PCDHGB2: variants seen among roughly 807,000 people sequenced by gnomAD.
PCDHGB2 encodes the protein protocadherin gamma-B2.
Under a neutral mutation model 59.3 loss-of-function variants are expected in PCDHGB2, and 55 were observed. That is an observed-to-expected ratio of 0.93 (90% CI 0.75 to 1.16). The LOEUF (loss-of-function observed/expected upper bound fraction) is 1.16, where lower values mean the gene tolerates loss of function less well. Among genes scored for constraint, PCDHGB2 ranks in the 50% most tolerant of loss-of-function variants. The pLI is 0.00. For synonymous variants in PCDHGB2, 516 were observed against 512.0 expected (o/e 1.01, Z -0.11); for missense variants, 1,228 against 1,198.5 (o/e 1.02, Z -0.36).
At chr5:141,478,299 G>A (rs201916687) in intron 1 of PCDHGB2, 1 of 1,614,056 alleles carries the variant, frequency 6.2e-7, no homozygotes, top group Non-Finnish European at 8.5e-7. Flanking sequence ...GACCTATACC[G>A]AGCCCCGGTG....
chr5:141,432,104 C>T lies in PCDHGB2; in HGVS notation c.2422-62703C>T. The stretch of plus-strand genomic sequence containing the variant: ...GAACGTGGCAGACACCAACGACAAC[C>T]CGCCGGTCTTCCCTCAGGCCTCCTA... On this transcript the variant is annotated intron_variant, in intron 1 of 3. Coordinates refer to ENST00000522605, the MANE Select transcript of PCDHGB2 (RefSeq NM_018923.3). This position sits in a 1 kb window ranked among gnomAD's most constrained non-coding sequence, Gnocchi z 6.0. 1 of 1,614,204 alleles carries T rather than the reference C, an allele frequency of 6.2e-7. No individual in the cohort carries two copies. The highest frequency in any genetic ancestry group is 1.7e-5 in the Admixed American group (1 of 60,026).
intron 1 of PCDHGB2, among the ~76,000 whole-genome samples, chr5:141,460,961 A>ATATG (rs1463306338): frequency 3.5e-5 from 5 of 144,556 alleles, no homozygotes; most frequent in African/African-American, 1.3e-4. Flanking sequence ...GTATATATAT[A>ATATG]TGTGTGTGTG....
chr5:141,415,404 C>A lies in PCDHGB2; in HGVS notation c.2421+52848C>A, dbSNP rs199662613. On this transcript the variant is annotated intron_variant, in intron 1 of 3. Transcript: ENST00000522605. ...GCTTGACAGGTGTGTCCGGCTCGCA[C>A]TTTGTGGGCGTGGACGGGGTTCGGG... The A allele has an allele frequency of 2.2e-4, 363 of 1,614,238 alleles. 1 individual carries two copies. Among genetic ancestry groups the A allele is most frequent in the Non-Finnish European group, 6.8e-6 (8 of 1,180,048 alleles).
intron 1 of PCDHGB2, chr5:141,388,330 G>A: frequency 6.2e-7 from 1 of 1,613,882 alleles, no homozygotes; most frequent in Non-Finnish European, 8.5e-7. Context: ...GCACAGCCTG[G>A]CACACGATTT....
intron 1 of PCDHGB2, chr5:141,403,146 G>A (rs1400601984): frequency 1.9e-6 from 3 of 1,613,938 alleles, no homozygotes; most frequent in African/African-American, 2.7e-5. Flanking sequence ...CGCCGAGTCC[G>A]CATCGTCTCT....
At chr5:141,374,501 G>A (rs746410507) in intron 1 of PCDHGB2, 2 of 1,611,510 alleles carry the variant, frequency 1.2e-6, no homozygotes, top group Non-Finnish European at 1.7e-6. Context: ...AGAATTGGAA[G>A]TGAAAATTCT....
chr5:141,485,239 C>T lies in PCDHGB2; in HGVS notation c.2422-9568C>T. ...GGGCTACCCTTTTGTTCCTCTTTTA[C>T]CACCTGGGTTACGTTTGTGGGCAGA... On this transcript the variant is annotated intron_variant, in intron 1 of 3. Transcript: ENST00000522605. This position sits in a 1 kb window ranked among gnomAD's most constrained non-coding sequence, Gnocchi z 5.7. The T allele has an allele frequency of 6.2e-7, 1 of 1,614,140 alleles. No homozygotes were observed. Among genetic ancestry groups the T allele is most frequent in the South Asian group, 1.1e-5 (1 of 91,072 alleles).
chr5:141,422,809 G>A (rs1169197801), intron 1 of PCDHGB2: 8 of 1,614,232 alleles, frequency 5.0e-6, no homozygotes, highest in Non-Finnish European at 6.8e-6. Context: ...GCAGTTTCGA[G>A]ACTTAGAACT....
At chr5:141,388,721 C>A (rs373386803) in intron 1 of PCDHGB2, 33 of 1,613,884 alleles carry the variant, frequency 2.0e-5, no homozygotes, top group Non-Finnish European at 2.7e-5. Context: ...AGATTACTTT[C>A]TCTTTCAGTG....
At chr5:141,446,798 T>C (rs1223789118) in intron 1 of PCDHGB2, among the ~76,000 whole-genome samples, 1 of 152,160 alleles carries the variant, frequency 6.6e-6, no homozygotes, top group Non-Finnish European at 1.5e-5. Flanking sequence ...AGTTCTTCCA[T>C]TGTGATCATC....
At chr5:141,415,116 A>T in intron 1 of PCDHGB2, 1 of 1,613,652 alleles carries the variant, frequency 6.2e-7, no homozygotes, top group Non-Finnish European at 8.5e-7. Flanking sequence ...AAAGCCTCGT[A>T]GTGGCCGTCC....
At chr5:141,419,313 G>T in intron 1 of PCDHGB2, 1 of 1,613,974 alleles carries the variant, frequency 6.2e-7, no homozygotes, top group Non-Finnish European at 8.5e-7. Context: ...GGGCTCAACG[G>T]CCGTGTCTCC....
At chr5:141,376,366 A>G in intron 1 of PCDHGB2, 12 of 1,614,204 alleles carry the variant, frequency 7.4e-6, no homozygotes, top group South Asian at 1.1e-5. Flanking sequence ...CACTCACTGC[A>G]GACTCGCGTA....
intron 1 of PCDHGB2, among the ~76,000 whole-genome samples, chr5:141,458,883 C>A (rs1171747288): frequency 6.6e-6 from 1 of 152,136 alleles, no homozygotes; most frequent in East Asian, 1.9e-4. Flanking sequence ...CAGGCATGCA[C>A]ACCATGCGCA....
chr5:141,380,249 A>G (rs758616884), intron 1 of PCDHGB2, among the ~76,000 whole-genome samples: 1 of 152,198 alleles, frequency 6.6e-6, no homozygotes, highest in African/African-American at 2.4e-5. Flanking sequence ...GCAATTGTCA[A>G]AGGGGAAGGA....
intron 3 of PCDHGB2, among the ~76,000 whole-genome samples, chr5:141,509,539 A>G (rs749824780): frequency 1.3e-5 from 2 of 152,160 alleles, no homozygotes; most frequent in East Asian, 1.9e-4. Context: ...ATGAAGCACC[A>G]TCTCATTTAG....
chr5:141,360,845 A>G lies in PCDHGB2; in HGVS notation c.710A>G (p.Asp237Gly). The change falls in exon 1 of 4, where the codon GAT becomes GGT. Residue 237 changes from aspartate (D) to glycine (G), a missense_variant. Transcript: ENST00000522605. ...CGAATCAAAGTCACGGATGCCAACG[A>G]TAACCCTCCAGTGTTCAGCCAGGAC... Reference protein sequence around the residue: ...QIRIKVTDANDNPPVFSQDVY... With the variant: ...QIRIKVTDANGNPPVFSQDVY... 1.2e-6 allele frequency: 2 copies of G among 1,614,014 alleles called. No individual in the cohort carries two copies. Among genetic ancestry groups the G allele is most frequent in the Non-Finnish European group, 1.7e-6 (2 of 1,179,904 alleles).
At chr5:141,374,341 C>T (rs1770393782) in intron 1 of PCDHGB2, 4 of 1,613,988 alleles carry the variant, frequency 2.5e-6, no homozygotes, top group Non-Finnish European at 3.4e-6. Flanking sequence ...GCTTGGTCAC[C>T]GCGGGTAGGA....
At chr5:141,462,121 T>A (rs977258025) in intron 1 of PCDHGB2, among the ~76,000 whole-genome samples, 2 of 151,730 alleles carry the variant, frequency 1.3e-5, no homozygotes, top group Non-Finnish European at 2.9e-5. Context: ...CTGCACCCAG[T>A]CCAATTTTTT....
Sources: gnomAD v4.1 joint callset for allele counts (sites outside exome capture counted in the v4.1 genomes callset) on GRCh38, gnomAD v4.1.1 for gene constraint, Gnocchi (gnomAD v3.1) non-coding constraint, MANE v1.5 for transcripts, NCBI Gene and HGNC (gene_info 2026-07-23, HGNC 2026-07-21) for gene names.